SPIN1: variants seen among roughly 807,000 people sequenced by gnomAD.
SPIN1 encodes spindlin-1.
Under a neutral mutation model 26.0 loss-of-function variants are expected in SPIN1, and 3 were observed. The ratio of observed to expected loss-of-function variants is 0.12; its 90% CI spans 0.05 to 0.30. The LOEUF (loss-of-function observed/expected upper bound fraction) is 0.30, where lower values mean the gene tolerates loss of function less well. SPIN1 is among the 10% of genes least tolerant of loss of function. The pLI is 1.00. For synonymous variants in SPIN1, 101 were observed against 116.5 expected (o/e 0.87, Z 0.86); for missense variants, 126 against 333.4 (o/e 0.38, Z 4.84).
At chr9:88,410,193 CTTTTTT>C (rs112040783) in intron 1 of SPIN1, among the ~76,000 whole-genome samples, 1 of 132,378 alleles carries the variant, frequency 7.6e-6, no homozygotes, top group Non-Finnish European at 1.6e-5. Flanking sequence ...GTGTGTGCAA[CTTTTTT>C]TTTTTTTAAA....
At chr9:88,433,893 AGTTTTTT>A (rs1196889700) in intron 2 of SPIN1, among the ~76,000 whole-genome samples, 1 of 151,804 alleles carries the variant, frequency 6.6e-6, no homozygotes, top group Non-Finnish European at 1.5e-5. Context: ...AAACAAAACC[AGTTTTTT>A]GTTTTTTTTT....
chr9:88,453,818 G>A (rs972482991), intron 3 of SPIN1, among the ~76,000 whole-genome samples: 8 of 152,134 alleles, frequency 5.3e-5, no homozygotes, highest in African/African-American at 2.4e-5. Flanking sequence ...GAGCCACCGC[G>A]CCCGCGGTAT....
At chr9:88,469,643 T>G (rs1828738019) in intron 5 of SPIN1, among the ~76,000 whole-genome samples, 1 of 152,128 alleles carries the variant, frequency 6.6e-6, no homozygotes, top group African/African-American at 2.4e-5. Flanking sequence ...GCCTCCCAAG[T>G]GGCTGGGACT....
chr9:88,417,515 C>T (rs1465717937), intron 1 of SPIN1, among the ~76,000 whole-genome samples: 1 of 152,254 alleles, frequency 6.6e-6, no homozygotes. Flanking sequence ...CTCTGCCACC[C>T]AGGCTGGAAT....
chr9:88,464,733 GACTA>G (rs1225057500), intron 4 of SPIN1, among the ~76,000 whole-genome samples: 3 of 151,386 alleles, frequency 2.0e-5, no homozygotes, highest in Admixed American at 6.6e-5. Context: ...CAAAGTGCAA[GACTA>G]ACTACTTTTT....
At chr9:88,405,627 T>G (rs907696988) in intron 1 of SPIN1, among the ~76,000 whole-genome samples, 2 of 139,882 alleles carry the variant, frequency 1.4e-5, no homozygotes, top group African/African-American at 5.5e-5. Flanking sequence ...CACTGCAGCC[T>G]CCGCCTCCCG....
intron 5 of SPIN1, 103 bp from the exon 6 acceptor site, chr9:88,474,975 T>G: frequency 8.3e-7 from 1 of 1,207,014 alleles, no homozygotes; most frequent in Non-Finnish European, 1.1e-6. Flanking sequence ...TTAAAATTTT[T>G]TTTAAGTTAT....
chr9:88,456,662 C>A (rs1828478802), intron 3 of SPIN1, among the ~76,000 whole-genome samples: 1 of 152,166 alleles, frequency 6.6e-6, no homozygotes. Context: ...GAGAGTCTGA[C>A]TTGAGCTGAA....
At chr9:88,439,545 G>A (rs751174472) in intron 2 of SPIN1, among the ~76,000 whole-genome samples, 1 of 152,222 alleles carries the variant, frequency 6.6e-6, no homozygotes, top group Non-Finnish European at 1.5e-5. Context: ...ATTCTGAAAT[G>A]TGAAAGACTT....
At chr9:88,422,796 G>C (rs1827695574) in intron 1 of SPIN1, among the ~76,000 whole-genome samples, 1 of 150,878 alleles carries the variant, frequency 6.6e-6, no homozygotes, top group Non-Finnish European at 1.5e-5. Flanking sequence ...TGCAACCTCT[G>C]CCTCCCGGGT....
intron 1 of SPIN1, among the ~76,000 whole-genome samples, chr9:88,400,517 A>G (rs1827164014): frequency 6.6e-6 from 1 of 152,126 alleles, no homozygotes; most frequent in South Asian, 2.1e-4. Context: ...TGGCCTAACA[A>G]GGAACTCCAC....
rs370643429 is a variant in SPIN1, at chr9:88,469,237, C to T, written c.589+632C>T. ...GTGCTCCTGTGAGAATCTGATGCCT[C>T]TGCTGATCTGACAGGAGGCAGAGCT... is the stretch of plus-strand genomic sequence containing the variant. On this transcript the variant is annotated intron_variant, in intron 5 of 5. Coordinates refer to ENST00000375859, the MANE Select transcript of SPIN1 (RefSeq NM_006717.3). Among the ~76,000 whole-genome samples the T allele has an allele frequency of 1.4e-4, 22 of 152,344 alleles. 2 individuals carry two copies. Among genetic ancestry groups the T allele is most frequent in the African/African-American group, 4.8e-4 (20 of 41,584 alleles).
intron 1 of SPIN1, among the ~76,000 whole-genome samples, chr9:88,399,338 C>T (rs960865786): frequency 3.3e-5 from 5 of 152,060 alleles, no homozygotes; most frequent in African/African-American, 7.2e-5. Context: ...AGCCGTTAAG[C>T]GGTTTCTGTC....
intron 2 of SPIN1, among the ~76,000 whole-genome samples, chr9:88,442,345 G>A (rs1212102588): frequency 6.6e-6 from 1 of 150,824 alleles, no homozygotes; most frequent in Non-Finnish European, 1.5e-5. Context: ...TGAGGAGAAA[G>A]CTCATGTAAT....
At chr9:88,473,369 G>A (rs1420698252) in intron 5 of SPIN1, among the ~76,000 whole-genome samples, 1 of 151,712 alleles carries the variant, frequency 6.6e-6, no homozygotes, top group Non-Finnish European at 1.5e-5. Flanking sequence ...CTCCAGCCTG[G>A]GCGAGAAGAG....
At chr9:88,441,801 T>C (rs1014442427) in intron 2 of SPIN1, among the ~76,000 whole-genome samples, 1 of 148,454 alleles carries the variant, frequency 6.7e-6, no homozygotes, top group African/African-American at 2.5e-5. Flanking sequence ...ATTTTTATTA[T>C]ATTTTTGTAT....
intron 3 of SPIN1, among the ~76,000 whole-genome samples, chr9:88,452,424 C>T (rs913323407): frequency 6.6e-6 from 1 of 152,184 alleles, no homozygotes; most frequent in Admixed American, 6.5e-5. Flanking sequence ...CAGTCGTGGA[C>T]ATGAAGACTG....
At chr9:88,441,225 G>A (rs1466773489) in intron 2 of SPIN1, among the ~76,000 whole-genome samples, 1 of 151,746 alleles carries the variant, frequency 6.6e-6, no homozygotes, top group Admixed American at 6.6e-5. Flanking sequence ...AAGTATATGG[G>A]ACGGGATGTG....
intron 1 of SPIN1, among the ~76,000 whole-genome samples, chr9:88,412,469 T>C (rs541906285): frequency 1.9e-3 from 292 of 152,230 alleles, no homozygotes; most frequent in Admixed American, 2.9e-3. Context: ...CAGAAACCCA[T>C]CAAAGACCCA....
Sources: gnomAD v4.1 joint callset for allele counts (sites outside exome capture counted in the v4.1 genomes callset) on GRCh38, gnomAD v4.1.1 for gene constraint, MANE v1.5 for transcripts, NCBI Gene and HGNC (gene_info 2026-07-23, HGNC 2026-07-21) for gene names.